Variants in ITGA6 observed in about 807,000 individuals in gnomAD.
ITGA6 encodes integrin alpha-6.
ITGA6 carries 63 observed loss-of-function variants against 133.6 expected under a neutral mutation model. The observed-to-expected ratio is 0.47, with a 90% CI of 0.38 to 0.58. ITGA6 has a LOEUF of 0.58. Among genes scored for constraint, ITGA6 ranks in the 20% least tolerant of loss-of-function variants. The probability of loss-of-function intolerance (pLI) is 0.00; values close to 1 mark genes in which losing one functional copy is unlikely to be tolerated. For synonymous variants in ITGA6, 434 were observed against 482.0 expected, an observed-to-expected ratio of 0.90 and a Z score of 1.30; for missense variants, 1,068 against 1,309.4, an observed-to-expected ratio of 0.82 and a Z score of 2.85.
chr2:172,457,758 G>C (rs574715811), intron 1 of ITGA6, among the ~76,000 whole-genome samples: 12 of 152,240 alleles, frequency 7.9e-5, no homozygotes, highest in East Asian at 1.9e-4. Flanking sequence ...CTTCAAACTG[G>C]GGGGGAAGCT....
chr2:172,472,381 C>T (rs560249289), intron 5 of ITGA6, among the ~76,000 whole-genome samples: 21 of 152,276 alleles, frequency 1.4e-4, no homozygotes, highest in Non-Finnish European at 3.1e-4. Flanking sequence ...ATTGCACTGG[C>T]CAAGAAACCA....
At position 172,498,053 on chromosome 2, in the gene ITGA6, C is replaced by T; in HGVS notation, c.3067C>T (p.Leu1023Phe). 2 of 1,613,328 alleles carry T rather than the reference C, an allele frequency of 1.2e-6. No homozygotes were observed. The highest frequency in any genetic ancestry group is 1.7e-6 in the Non-Finnish European group (2 of 1,179,270). ...TTGGTGGATCATCCTAGTGGCTATT[C>T]TCGCTGGGATCTTGATGCTTGCTTT... ...VPWWIILVAILAGILMLALLV... is the reference protein window; with the variant it reads ...VPWWIILVAIFAGILMLALLV... The change falls in exon 24 of 26, where the codon CTC becomes TTC. Residue 1023 changes from leucine (L) to phenylalanine (F), a missense_variant. Physicochemically the swap from Leu to Phe is conservative, Grantham distance 22. This residue lies in a region of ITGA6 where 609 missense variants were observed against 707.2 expected (regional missense o/e 0.86). Coordinates refer to ENST00000684293, the MANE Select transcript of ITGA6 (RefSeq NM_000210.4).
chr2:172,445,338 CTT>C lies in ITGA6; in HGVS notation c.182+17380_182+17381del, dbSNP rs34005395. Among the ~76,000 whole-genome samples, 11 of 103,324 alleles carry C rather than the reference CTT, an allele frequency of 1.1e-4. No individual in the cohort carries two copies. In the East Asian group the frequency reaches 1.2e-3, roughly 11 times the overall value. The allele number at this position is 103,324 out of a possible 152,430, so 67.8% of individuals were successfully genotyped here. The stretch of plus-strand genomic sequence containing the variant: ...TCTAAATCTGTTGTCTTTTTCTTTT[CTT>C]TTTTTTTTTTTAACAAAAAAAAAAA... On this transcript the variant is annotated intron_variant, in intron 1 of 25. Transcript: ENST00000684293.
Position 172,465,627 on chromosome 2 carries a change from C to T in ITGA6, c.271C>T (p.Arg91Trp), listed in dbSNP as rs1447443958. ...GGLYSCDITA[R>W]GPCTRIEFDN... ...GCTGTACAGCTGCGACATCACCGCC[C>T]GGGGGCCATGCACGCGGATCGAGTT... The change falls in exon 2 of 26, where the codon CGG becomes TGG. Residue 91 changes from arginine (R) to tryptophan (W), a missense_variant. Arg to Trp is a moderately radical substitution (Grantham distance 101). Transcript: ENST00000684293. 3.1e-6 allele frequency: 5 copies of T among 1,614,206 alleles called. No individual in the cohort carries two copies. Among genetic ancestry groups the T allele is most frequent in the Non-Finnish European group, 1.7e-6 (2 of 1,180,024 alleles).
At chr2:172,484,100 T>G (rs1686562097) in intron 11 of ITGA6, among the ~76,000 whole-genome samples, 1 of 152,190 alleles carries the variant, frequency 6.6e-6, no homozygotes, top group African/African-American at 2.4e-5. Flanking sequence ...CAGAATTCAC[T>G]GTGCCCATCC....
chr2:172,453,473 G>A (rs1278559276), intron 1 of ITGA6, among the ~76,000 whole-genome samples: 1 of 152,178 alleles, frequency 6.6e-6, no homozygotes, highest in African/African-American at 2.4e-5. Flanking sequence ...AGTGAGCCAT[G>A]ATTACGCACT....
chr2:172,479,952 A>G, intron 10 of ITGA6, 38 bp from the exon 11 acceptor site: 2 of 1,409,588 alleles, frequency 1.4e-6, no homozygotes, highest in Middle Eastern at 1.8e-4. Flanking sequence ...CACTGCAATA[A>G]TGGATCTTTT....
intron 9 of ITGA6, among the ~76,000 whole-genome samples, chr2:172,479,298 A>G (rs1686320009): frequency 6.6e-6 from 1 of 152,200 alleles, no homozygotes; most frequent in Admixed American, 6.5e-5. Flanking sequence ...TTAATATTTA[A>G]TTTTAGATAA....
chr2:172,485,528 A>C (rs1211547699), intron 13 of ITGA6, among the ~76,000 whole-genome samples: 1 of 152,212 alleles, frequency 6.6e-6, no homozygotes, highest in African/African-American at 2.4e-5. Flanking sequence ...TAAATGGTAG[A>C]GCTTATATTC....
intron 1 of ITGA6, among the ~76,000 whole-genome samples, chr2:172,437,673 A>C (rs892706577): frequency 2.0e-5 from 3 of 152,214 alleles, no homozygotes; most frequent in Admixed American, 1.3e-4. Flanking sequence ...CCTGAAGTTC[A>C]GTTGGAAAGG....
chr2:172,505,158 A>C lies in ITGA6; in HGVS notation c.*1090A>C, dbSNP rs1353796368. On this transcript the variant is annotated 3_prime_UTR_variant, in exon 26 of 26. Transcript: ENST00000684293. ...CCCAAAAGGTTTAAGAAATAGAATTATAACTGTAAAGATGTTTATTTCAGG... is the reference window on the plus strand; with the variant it reads ...CCCAAAAGGTTTAAGAAATAGAATTCTAACTGTAAAGATGTTTATTTCAGG... 1 of 152,668 alleles carries C rather than the reference A, an allele frequency of 6.6e-6. No individual in the cohort carries two copies. Among genetic ancestry groups the C allele is most frequent in the Admixed American group, 6.5e-5 (1 of 15,282 alleles). The allele number at this position is 152,668 out of a possible 1,614,324, so 9.5% of individuals were successfully genotyped here.
chr2:172,493,891 G>A (rs79728653), intron 23 of ITGA6, among the ~76,000 whole-genome samples: 3,702 of 152,208 alleles, frequency 0.024, 150 homozygotes, highest in African/African-American at 0.084. Context: ...TGAAAGTGAG[G>A]TTCTCTTGGG....
At chr2:172,457,963 A>G (rs1201805918) in intron 1 of ITGA6, among the ~76,000 whole-genome samples, 1 of 152,102 alleles carries the variant, frequency 6.6e-6, no homozygotes, top group Non-Finnish European at 1.5e-5. Flanking sequence ...AGAGTTCATC[A>G]TGTGCCCCTC....
rs565387769 is a variant in ITGA6, at chr2:172,442,297, T to A, written c.182+14327T>A. ...TAGGAAGTGATTGCCCCAGGCAGGTTGAGGAGTGCCCACAGCATCCAGGAC... is the reference window on the plus strand; with the variant it reads ...TAGGAAGTGATTGCCCCAGGCAGGTAGAGGAGTGCCCACAGCATCCAGGAC... On this transcript the variant is annotated intron_variant, in intron 1 of 25. Transcript: ENST00000684293. Among the ~76,000 whole-genome samples the A allele has an allele frequency of 1.4e-4, 21 of 152,332 alleles. 1 individual carries two copies. Among genetic ancestry groups the A allele is most frequent in the African/African-American group, 4.8e-4 (20 of 41,574 alleles).
chr2:172,484,634 T>C, intron 11 of ITGA6, 148 bp from the exon 12 acceptor site: 1 of 705,720 alleles, frequency 1.4e-6, no homozygotes. Context: ...ACCATCACAA[T>C]TGTGCAAATG....
chr2:172,493,062 C>T (rs777370671), intron 23 of ITGA6, among the ~76,000 whole-genome samples: 2 of 131,112 alleles, frequency 1.5e-5, no homozygotes, highest in Non-Finnish European at 3.1e-5. Flanking sequence ...CATGCCACCA[C>T]GCCCAGCTAA....
In ITGA6 at chr2:172,429,054, C is replaced by G. The variant is rs74537713; in HGVS notation, c.182+1084C>G. On this transcript the variant is annotated intron_variant, in intron 1 of 25. Coordinates refer to ENST00000684293, the MANE Select transcript of ITGA6 (RefSeq NM_000210.4). Reference sequence around the variant, plus strand: ...GACCGGAGAAAGCAAAGTGCAGCCACAGTGAAGAGATTTTGTGTTTAGGAG... The same window carrying G: ...GACCGGAGAAAGCAAAGTGCAGCCAGAGTGAAGAGATTTTGTGTTTAGGAG... Among the ~76,000 whole-genome samples, 502 of 152,288 alleles carry G rather than the reference C, an allele frequency of 3.3e-3. 4 individuals are homozygous for G. The highest frequency in any genetic ancestry group is 0.011 in the African/African-American group (464 of 41,564).
Position 172,427,859 on chromosome 2 carries a change from T to G in ITGA6, c.71T>G (p.Phe24Cys). 1 of 1,607,384 alleles carries G rather than the reference T, an allele frequency of 6.2e-7. No homozygotes were observed. The highest frequency in any genetic ancestry group is 8.5e-7 in the Non-Finnish European group (1 of 1,177,402). ...CTCCTGTCCCGGCTCGGCGCAGCCT[T>G]CAACTTGGACACTCGGGAGGACAAC... is the stretch of plus-strand genomic sequence containing the variant. ...AGLLSRLGAA[F>C]NLDTREDNVI... Residue 24 changes from phenylalanine to cysteine, a missense_variant, in exon 1 of 26, where the codon TTC becomes TGC. This residue lies in a region of ITGA6 where 142 missense variants were observed against 145.3 expected (regional missense o/e 0.98). Coordinates refer to ENST00000684293, the MANE Select transcript of ITGA6 (RefSeq NM_000210.4).
At chr2:172,473,926 A>G (rs1574376595) in intron 5 of ITGA6, 129 bp from the exon 6 acceptor site, 1 of 639,122 alleles carries the variant, frequency 1.6e-6, no homozygotes, top group East Asian at 2.7e-5. Flanking sequence ...CGAATGTGAT[A>G]GCTGGTGGGA....
Sources: allele counts gnomAD v4.1 joint callset (sites outside exome capture counted in the v4.1 genomes callset), GRCh38; gene constraint gnomAD v4.1.1; regional missense constraint gnomAD v4.1.1; transcripts MANE v1.5; gene names NCBI Gene and HGNC (gene_info 2026-07-23, HGNC 2026-07-21).